The following LRRC37A2 variants were observed in gnomAD, a reference collection of about 807,000 sequenced individuals.
LRRC37A2 encodes leucine-rich repeat-containing protein 37A2.
LRRC37A2 carries 9 observed loss-of-function variants against 68.8 expected under a neutral mutation model. The observed-to-expected ratio is 0.13, with a 90% CI of 0.08 to 0.23. The LOEUF is 0.23. LRRC37A2 is among the 10% of genes least tolerant of loss of function. The pLI, the probability that LRRC37A2 is intolerant of heterozygous loss-of-function variation, is 1.00. For synonymous variants in LRRC37A2, 63 were observed against 367.6 expected (o/e 0.17, Z 9.48); for missense variants, 168 against 950.4 (o/e 0.18, Z 10.82).
chr17:46,728,483 G>A, the LRRC37A2 span, among the ~76,000 whole-genome samples: 1 of 151,882 alleles, frequency 6.6e-6, no homozygotes, highest in African/African-American at 2.4e-5. Context: ...ATAGAGCCGA[G>A]TACAGTGGGA....
chr17:46,770,779 C>T, the LRRC37A2 span, among the ~76,000 whole-genome samples: 1 of 152,224 alleles, frequency 6.6e-6, no homozygotes, highest in African/African-American at 2.4e-5. Context: ...AAAGGAGAGA[C>T]TCTCAAGGGT....
At chr17:46,532,245 A>T (rs1318553624) in intron 6 of LRRC37A2, among the ~76,000 whole-genome samples, 1 of 148,768 alleles carries the variant, frequency 6.7e-6, no homozygotes, top group Non-Finnish European at 1.5e-5. Context: ...TTGTAGTGAA[A>T]CCATAGATCA....
At chr17:46,914,664 AAAAAAAAAAGG>A in the LRRC37A2 span, among the ~76,000 whole-genome samples, 1 of 151,242 alleles carries the variant, frequency 6.6e-6, no homozygotes, top group Admixed American at 6.6e-5. Context: ...AAAAAAAAAA[AAAAAAAAAAGG>A]AAAAGAAAAA....
At chr17:46,751,482 T>G in the LRRC37A2 span, 1 of 1,576,668 alleles carries the variant, frequency 6.3e-7, no homozygotes, top group Non-Finnish European at 8.7e-7. Context: ...GTGCTTTGAT[T>G]ATTGTTTATT....
the LRRC37A2 span, among the ~76,000 whole-genome samples, chr17:46,721,149 A>G: frequency 3.3e-5 from 5 of 152,248 alleles, no homozygotes; most frequent in South Asian, 2.1e-4. Flanking sequence ...TGCATGTGGC[A>G]CACTCTTGCC....
chr17:47,034,559 C>T, the LRRC37A2 span, among the ~76,000 whole-genome samples: 2 of 152,092 alleles, frequency 1.3e-5, no homozygotes, highest in Non-Finnish European at 2.9e-5. Flanking sequence ...TGTTTGGCTA[C>T]ATACTGCCTT....
At chr17:46,887,994 G>A in the LRRC37A2 span, among the ~76,000 whole-genome samples, 15 of 152,314 alleles carry the variant, frequency 9.8e-5, no homozygotes, top group African/African-American at 3.6e-4. Context: ...GTGGCTGGGA[G>A]CTAGAGATAG....
the LRRC37A2 span, among the ~76,000 whole-genome samples, chr17:46,845,382 G>A: frequency 1.2e-4 from 19 of 152,020 alleles, no homozygotes; most frequent in Admixed American, 1.2e-3. Context: ...GCTGGGGTGG[G>A]GGTTATATTC....
At chr17:46,755,728 T>A in the LRRC37A2 span, 1 of 1,397,290 alleles carries the variant, frequency 7.2e-7, no homozygotes, top group South Asian at 1.4e-5. Flanking sequence ...AGTGATTTTT[T>A]TTTTTTTTTT....
the LRRC37A2 span, among the ~76,000 whole-genome samples, chr17:46,894,409 G>C: frequency 1.3e-5 from 2 of 152,204 alleles, no homozygotes; most frequent in Non-Finnish European, 2.9e-5. Context: ...TCCAATGTAG[G>C]TTTACACAGA....
chr17:46,981,021 G>C, the LRRC37A2 span, among the ~76,000 whole-genome samples: 1 of 152,126 alleles, frequency 6.6e-6, no homozygotes, highest in African/African-American at 2.4e-5. Context: ...TGGGGGCAGG[G>C]GTGGTTTCTC....
chr17:46,879,755 T>G, the LRRC37A2 span, among the ~76,000 whole-genome samples: 2 of 152,254 alleles, frequency 1.3e-5, no homozygotes, highest in African/African-American at 4.8e-5. Flanking sequence ...GATACCACTG[T>G]GAGCCCAAGA....
the LRRC37A2 span, among the ~76,000 whole-genome samples, chr17:46,795,122 AC>A: frequency 6.6e-6 from 1 of 151,906 alleles, no homozygotes; most frequent in Non-Finnish European, 1.5e-5. Context: ...CCTCTGAGCC[AC>A]CATTTTGGCC....
chr17:46,979,893 G>A, the LRRC37A2 span, among the ~76,000 whole-genome samples: 1 of 151,988 alleles, frequency 6.6e-6, no homozygotes. Context: ...CCTAGAGAGT[G>A]TCGATGTTAT....
At chr17:46,392,397 T>TTCTC in the LRRC37A2 span, among the ~76,000 whole-genome samples, 3 of 46,302 alleles carry the variant, frequency 6.5e-5, no homozygotes, top group African/African-American at 1.8e-4. Context: ...CTTTCTCTCT[T>TTCTC]TCTTTCTTTC....
chr17:46,609,922 C>T, the LRRC37A2 span, among the ~76,000 whole-genome samples: 2 of 143,126 alleles, frequency 1.4e-5, no homozygotes, highest in East Asian at 1.9e-4. Context: ...ACCTCCTGGG[C>T]TCAAACCTCT....
At chr17:46,874,967 T>C in the LRRC37A2 span, 4 of 1,393,424 alleles carry the variant, frequency 2.9e-6, no homozygotes, top group Non-Finnish European at 4.1e-6. Context: ...TCAAGCCACA[T>C]TCTCTTGTCC....
At chr17:46,786,608 G>A in the LRRC37A2 span, among the ~76,000 whole-genome samples, 195 of 152,372 alleles carry the variant, frequency 1.3e-3, no homozygotes, top group African/African-American at 4.6e-3. Context: ...CCACTTTGCT[G>A]CGCAGTTCAG....
the LRRC37A2 span, among the ~76,000 whole-genome samples, chr17:47,032,990 G>C: frequency 6.6e-6 from 1 of 152,072 alleles, no homozygotes; most frequent in East Asian, 1.9e-4. Context: ...GCCAAGGTGG[G>C]TGCATCACTT....
Sources: allele counts gnomAD v4.1 joint callset (sites outside exome capture counted in the v4.1 genomes callset), GRCh38; gene constraint gnomAD v4.1.1; transcripts MANE v1.5; gene names NCBI Gene and HGNC (gene_info 2026-07-23, HGNC 2026-07-21).